PTER: variants seen among roughly 807,000 people sequenced by gnomAD.
PTER encodes phosphotriesterase related, also known as N-acetyltaurine hydrolase.
PTER carries 38 observed loss-of-function variants against 29.6 expected under a neutral mutation model. The observed-to-expected ratio is 1.28, with a 90% CI of 0.99 to 1.68. The LOEUF is 1.68. Ranked by LOEUF, PTER falls within the 40% of genes most tolerant of loss-of-function variation. The pLI is 0.00. For synonymous variants in PTER, 172 were observed against 154.5 expected (o/e 1.11, Z -0.84); for missense variants, 482 against 427.8 (o/e 1.13, Z -1.12).
chr10:16,466,691 A>G (rs1215907159), intron 1 of PTER, among the ~76,000 whole-genome samples: 1 of 152,234 alleles, frequency 6.6e-6, no homozygotes, highest in Admixed American at 6.5e-5. Context: ...AAAACGTGGT[A>G]GCCAAAATCA....
intron 1 of PTER, among the ~76,000 whole-genome samples, chr10:16,458,213 T>TGCA (rs1834482521): frequency 6.6e-6 from 1 of 151,722 alleles, no homozygotes; most frequent in East Asian, 2.0e-4. Flanking sequence ...AATGTTTTGC[T>TGCA]GCTGCCCAGC....
intron 1 of PTER, among the ~76,000 whole-genome samples, chr10:16,446,995 G>A (rs1033323575): frequency 2.0e-5 from 3 of 151,990 alleles, no homozygotes; most frequent in Non-Finnish European, 4.4e-5. Context: ...TGCCATGTTA[G>A]CCAGGTTGGT....
chr10:16,461,568 T>C (rs1834613587), intron 1 of PTER, among the ~76,000 whole-genome samples: 1 of 152,176 alleles, frequency 6.6e-6, no homozygotes, highest in Non-Finnish European at 1.5e-5. Flanking sequence ...AGCTGTTTGT[T>C]ACCTTACTTT....
chr10:16,476,901 C>CTCTCTCTTTTTTTT (rs1214090481), intron 1 of PTER, among the ~76,000 whole-genome samples: 1 of 100,368 alleles, frequency 1.0e-5, no homozygotes, highest in African/African-American at 4.5e-5. Flanking sequence ...TCCTAGAATT[C>CTCTCTCTTTTTTTT]TTTTTTTTTT....
intron 3 of PTER, among the ~76,000 whole-genome samples, chr10:16,503,686 G>A (rs1836451591): frequency 1.3e-5 from 2 of 152,100 alleles, no homozygotes. Flanking sequence ...GATTACAGGT[G>A]TGAGCCACCA....
intron 1 of PTER, among the ~76,000 whole-genome samples, chr10:16,466,415 G>A (rs7921345): frequency 0.61 from 92,469 of 151,996 alleles, 28,971 homozygotes; most frequent in East Asian, 0.81. Flanking sequence ...CAGTGCAGTG[G>A]CACCATCTCA....
chr10:16,510,940 G>T lies in PTER; in HGVS notation c.840-106G>T, dbSNP rs1836785468. The T allele has an allele frequency of 1.0e-5, 9 of 886,416 alleles. No individual in the cohort carries two copies. In the South Asian group the frequency reaches 1.4e-4, roughly 14 times the overall value. 54.9% of individuals were successfully genotyped at this position (886,416 alleles called of 1,614,324 possible). On this transcript the variant is annotated intron_variant, in intron 4 of 4. Transcript: ENST00000535784. ...AGTACACACGCCACAGTAGAAGTCA[G>T]TATCTTTACGACAAGCACAATAGGT...
At chr10:16,508,445 G>T (rs1272342049) in intron 4 of PTER, among the ~76,000 whole-genome samples, 1 of 152,030 alleles carries the variant, frequency 6.6e-6, no homozygotes, top group East Asian at 1.9e-4. Context: ...AAGCCCCTTT[G>T]TGGTAGTGAG....
chr10:16,518,844 G>A, the PTER span, among the ~76,000 whole-genome samples: 1 of 152,084 alleles, frequency 6.6e-6, no homozygotes, highest in Admixed American at 6.5e-5. Flanking sequence ...GCTGCCTGCT[G>A]AGGGACTGTT....
At chr10:16,458,942 A>G (rs1834507983) in intron 1 of PTER, among the ~76,000 whole-genome samples, 1 of 152,226 alleles carries the variant, frequency 6.6e-6, no homozygotes, top group Admixed American at 6.5e-5. Flanking sequence ...TTTTCCATGA[A>G]TAATAACCTT....
downstream of PTER, among the ~76,000 whole-genome samples, chr10:16,517,111 A>G (rs901792774): frequency 2.0e-5 from 3 of 152,204 alleles, no homozygotes; most frequent in African/African-American, 7.2e-5. Context: ...GGCTGTTTCC[A>G]GATTCCTAAA....
intron 4 of PTER, among the ~76,000 whole-genome samples, chr10:16,506,604 TAGAA>T (rs1287077880): frequency 1.3e-5 from 2 of 151,996 alleles, no homozygotes; most frequent in Non-Finnish European, 2.9e-5. Flanking sequence ...GGGGAACAAA[TAGAA>T]AGTCGGTTGA....
At chr10:16,496,224 A>G (rs1424795418) in intron 3 of PTER, among the ~76,000 whole-genome samples, 2 of 152,212 alleles carry the variant, frequency 1.3e-5, no homozygotes, top group Admixed American at 6.5e-5. Flanking sequence ...TCCCAGATCT[A>G]GCCTCCACAA....
chr10:16,499,123 C>G (rs1463999512), intron 3 of PTER, among the ~76,000 whole-genome samples: 4 of 152,166 alleles, frequency 2.6e-5, no homozygotes, highest in African/African-American at 9.7e-5. Context: ...TTTATCTTTT[C>G]TGAGACTTAA....
intron 1 of PTER, among the ~76,000 whole-genome samples, chr10:16,459,666 G>A (rs984161856): frequency 2.0e-5 from 3 of 152,098 alleles, no homozygotes; most frequent in African/African-American, 7.2e-5. Flanking sequence ...TCTAAATATA[G>A]TTGAGTTTTT....
chr10:16,466,876 G>T (rs1199760273), intron 1 of PTER, among the ~76,000 whole-genome samples: 1 of 152,060 alleles, frequency 6.6e-6, no homozygotes, highest in Admixed American at 6.5e-5. Flanking sequence ...CCTGAGGATG[G>T]TCTATACATT....
chr10:16,467,498 T>A (rs1365125067), intron 1 of PTER, among the ~76,000 whole-genome samples: 2 of 152,056 alleles, frequency 1.3e-5, no homozygotes, highest in Non-Finnish European at 2.9e-5. Context: ...TGTAGTTGGG[T>A]ACAGAATAAT....
Position 16,503,532 on chromosome 10 carries a change from G to A in PTER, c.699-1488G>A, listed in dbSNP as rs578027496. ...CAATTCTCTTGCCTCAGCCTCCCAA[G>A]TAGCTGGGATTACAGGCACCCACCA... On this transcript the variant is annotated intron_variant, in intron 3 of 4. Coordinates refer to ENST00000535784, the MANE Select transcript of PTER (RefSeq NM_001261836.2). Among the ~76,000 whole-genome samples the A allele has an allele frequency of 1.8e-4, 27 of 152,196 alleles. No individual in the cohort carries two copies. The South Asian group carries it at 5.6e-3, about 32-fold the overall frequency.
chr10:16,471,522 G>T (rs1015350995), intron 1 of PTER, among the ~76,000 whole-genome samples: 1 of 152,154 alleles, frequency 6.6e-6, no homozygotes, highest in Non-Finnish European at 1.5e-5. Context: ...ACATTTTAGT[G>T]TCTCTGGCTG....
Sources: allele counts gnomAD v4.1 joint callset (sites outside exome capture counted in the v4.1 genomes callset), GRCh38; gene constraint gnomAD v4.1.1; transcripts MANE v1.5; gene names NCBI Gene and HGNC (gene_info 2026-07-23, HGNC 2026-07-21).